Variants in CECR2 observed in about 807,000 individuals in gnomAD.
CECR2 encodes chromatin remodeling regulator CECR2.
A neutral mutation model predicts 154.5 loss-of-function variants in CECR2; 30 were observed. The ratio of observed to expected loss-of-function variants is 0.19; its 90% CI spans 0.15 to 0.26. CECR2 has a LOEUF of 0.26. Ranked by LOEUF, CECR2 falls within the 10% of genes least tolerant of loss-of-function variation. CECR2 has a pLI of 1.00. For missense variants in CECR2, 1,743 were observed against 1,829.3 expected (o/e 0.95, Z 0.86); for synonymous variants, 725 against 683.7 (o/e 1.06, Z -0.94).
At chr22:17,414,836 AC>A (rs1417104733) in intron 1 of CECR2, among the ~76,000 whole-genome samples, 2 of 151,692 alleles carry the variant, frequency 1.3e-5, no homozygotes, top group African/African-American at 2.4e-5. Context: ...TATAGCTAGT[AC>A]CCCCCAGAGC....
chr22:17,554,006 T>G lies in CECR2; in HGVS notation c.*1166T>G, dbSNP rs2056746391. Reference sequence around the variant, plus strand: ...AATATTTCAGTATATATAGTTTTTATTCGTTTTAAGTGAATCATAGTAAAA... The same window carrying G: ...AATATTTCAGTATATATAGTTTTTAGTCGTTTTAAGTGAATCATAGTAAAA... On this transcript the variant is annotated 3_prime_UTR_variant, in exon 19 of 19. Transcript: ENST00000262608. 6.6e-6 allele frequency: 1 copy of G among 152,244 alleles called. No homozygotes were observed. Among genetic ancestry groups the G allele is most frequent in the Admixed American group, 6.5e-5 (1 of 15,274 alleles). The allele number at this position is 152,244 out of a possible 1,614,324, so 9.4% of individuals were successfully genotyped here.
At chr22:17,462,133 G>A (rs976806259) in intron 1 of CECR2, among the ~76,000 whole-genome samples, 1 of 151,582 alleles carries the variant, frequency 6.6e-6, no homozygotes, top group Middle Eastern at 3.2e-3. Context: ...GACCGGGCGC[G>A]GTGGCTCACA....
chr22:17,379,668 T>C (rs893492717), intron 1 of CECR2, among the ~76,000 whole-genome samples: 3 of 151,860 alleles, frequency 2.0e-5, no homozygotes, highest in African/African-American at 7.3e-5. Flanking sequence ...CCGTCAGAAT[T>C]TTCAGTGTAG....
chr22:17,431,451 T>C (rs995626997), intron 1 of CECR2, among the ~76,000 whole-genome samples: 5 of 152,202 alleles, frequency 3.3e-5, no homozygotes, highest in African/African-American at 1.2e-4. Flanking sequence ...AAATTTATGG[T>C]CTAGAACACT....
rs865781120 is a variant in CECR2 at position 17,500,677 on chromosome 22, G to A, written c.592G>A (p.Gly198Arg). The A allele has an allele frequency of 6.4e-7, 1 of 1,558,018 alleles. No homozygotes were observed. ...TGTCTCAAGTATTCCTGGAAAAACG[G>A]GAAAAAGAAGAGGAAGACCCCCAAA... ...KNVSSIPGKTGKRRGRPPKRK... is the reference protein window; with the variant it reads ...KNVSSIPGKTRKRRGRPPKRK... Residue 198 changes from glycine (G) to arginine (R), a missense_variant, in exon 5 of 19, where the codon GGA (glycine) becomes AGA (arginine). Transcript: ENST00000262608.
In CECR2 at chr22:17,542,940, G is replaced by A. The variant is rs764701990; in HGVS notation, c.2797G>A (p.Ala933Thr). Residue 933 changes from alanine (A) to threonine (T), a missense_variant, in exon 16 of 19, where the codon GCC (alanine) becomes ACC (threonine). Coordinates refer to ENST00000262608, the MANE Select transcript of CECR2 (RefSeq NM_001290047.2). ...AGTCACTGTGTCAGCCCCCAAGCCT[G>A]CCCTGGGCAACCCTGGGAGGGCACC... ...MSVTVSAPKP[A>T]LGNPGRAPEN... 6.2e-7 allele frequency: 1 copy of A among 1,613,732 alleles called. No individual in the cohort carries two copies. The highest frequency in any genetic ancestry group is 1.7e-5 in the Admixed American group (1 of 59,974).
chr22:17,474,064 A>G (rs1211749835), intron 1 of CECR2, among the ~76,000 whole-genome samples: 1 of 151,980 alleles, frequency 6.6e-6, no homozygotes, highest in Non-Finnish European at 1.5e-5. Flanking sequence ...GGGGGGGTTT[A>G]TAGTTACTAA....
chr22:17,456,127 A>G (rs868351468), intron 1 of CECR2, among the ~76,000 whole-genome samples: 65 of 130,580 alleles, frequency 5.0e-4, no homozygotes, highest in African/African-American at 1.9e-3. Flanking sequence ...TGTTTAGTCA[A>G]TTATTATTAT....
At chr22:17,383,500 A>G (rs531900916) in intron 1 of CECR2, among the ~76,000 whole-genome samples, 1 of 152,140 alleles carries the variant, frequency 6.6e-6, no homozygotes, top group East Asian at 1.9e-4. Flanking sequence ...GGAATAATAC[A>G]TTGTGCCTCA....
chr22:17,520,887 G>C (rs1019676697), intron 8 of CECR2, among the ~76,000 whole-genome samples: 1 of 152,080 alleles, frequency 6.6e-6, no homozygotes, highest in Admixed American at 6.6e-5. Flanking sequence ...TGTGAATAGC[G>C]CCGCAATAAA....
At chr22:17,375,206 T>A (rs924250308) in intron 1 of CECR2, among the ~76,000 whole-genome samples, 1 of 151,244 alleles carries the variant, frequency 6.6e-6, no homozygotes, top group East Asian at 2.0e-4. Flanking sequence ...CTCCACCTCC[T>A]GGGTTCAAGC....
intron 1 of CECR2, among the ~76,000 whole-genome samples, chr22:17,436,194 G>A (rs986195517): frequency 2.6e-5 from 4 of 152,142 alleles, no homozygotes; most frequent in East Asian, 1.9e-4. Flanking sequence ...TCCTGATCTC[G>A]TGATCTGCCC....
intron 2 of CECR2, among the ~76,000 whole-genome samples, chr22:17,483,861 C>G (rs1569112143): frequency 6.6e-6 from 1 of 152,212 alleles, no homozygotes; most frequent in African/African-American, 2.4e-5. Flanking sequence ...AACTTTAGTT[C>G]TGCAAGCTGC....
upstream of CECR2, among the ~76,000 whole-genome samples, chr22:17,367,457 C>T (rs908537317): frequency 3.3e-5 from 5 of 152,056 alleles, no homozygotes; most frequent in Admixed American, 6.6e-5. Flanking sequence ...GAGATCTCGG[C>T]TCATTGCAAT....
intron 1 of CECR2, among the ~76,000 whole-genome samples, chr22:17,405,295 C>T (rs1389475911): frequency 6.6e-6 from 1 of 151,866 alleles, no homozygotes; most frequent in East Asian, 1.9e-4. Context: ...GCCTGTAATC[C>T]CAGCTACTCA....
intron 1 of CECR2, among the ~76,000 whole-genome samples, chr22:17,434,318 C>A (rs1405209203): frequency 6.6e-6 from 1 of 152,120 alleles, no homozygotes; most frequent in Non-Finnish European, 1.5e-5. Flanking sequence ...GAGTCCAGAC[C>A]CATCCTTCTA....
upstream of CECR2, chr22:17,369,452 C>T (rs1397366054): frequency 6.6e-6 from 1 of 151,102 alleles, no homozygotes; most frequent in Non-Finnish European, 1.5e-5. Context: ...CCCTCCGCCC[C>T]TAGCCCCATC....
intron 2 of CECR2, among the ~76,000 whole-genome samples, chr22:17,493,835 G>A (rs893120395): frequency 1.3e-5 from 2 of 152,324 alleles, no homozygotes; most frequent in Admixed American, 6.5e-5. Flanking sequence ...GAATAAGAAA[G>A]GTCTCGCTCC....
chr22:17,537,938 G>GC, intron 10 of CECR2, among the ~76,000 whole-genome samples: 2 of 151,540 alleles, frequency 1.3e-5, no homozygotes, highest in Non-Finnish European at 2.9e-5. Context: ...GGGTTGCAGT[G>GC]AGCTGAGATC....
Sources: gnomAD v4.1 joint callset for allele counts (sites outside exome capture counted in the v4.1 genomes callset) on GRCh38, gnomAD v4.1.1 for gene constraint, MANE v1.5 for transcripts, NCBI Gene and HGNC (gene_info 2026-07-23, HGNC 2026-07-21) for gene names.